Variants in MDGA2 observed in about 807,000 individuals in gnomAD.
The protein encoded by MDGA2 is MAM domain-containing glycosylphosphatidylinositol anchor protein 2.
MDGA2 carries 40 observed loss-of-function variants against 117.8 expected under a neutral mutation model. That is an observed-to-expected ratio of 0.34 (90% CI 0.26 to 0.44). The LOEUF is 0.44. MDGA2 is among the 20% of genes least tolerant of loss of function. The pLI is 1.00. For missense variants in MDGA2, 1,123 were observed against 1,250.6 expected (o/e 0.90, Z 1.54); for synonymous variants, 452 against 439.0 (o/e 1.03, Z -0.37).
chr14:46,985,796 T>C (rs935389950), intron 8 of MDGA2, among the ~76,000 whole-genome samples: 1 of 152,072 alleles, frequency 6.6e-6, no homozygotes, highest in African/African-American at 2.4e-5. Flanking sequence ...CCTTACATAA[T>C]TTCAATGAAC....
intron 1 of MDGA2, among the ~76,000 whole-genome samples, chr14:47,406,192 T>A (rs980986443): frequency 5.9e-5 from 9 of 152,090 alleles, no homozygotes; most frequent in African/African-American, 1.2e-4. Flanking sequence ...TGGAAAAAAA[T>A]TTGGAAATAA....
At chr14:47,554,192 T>C (rs1304299050) in intron 1 of MDGA2, among the ~76,000 whole-genome samples, 4 of 152,208 alleles carry the variant, frequency 2.6e-5, no homozygotes, top group Non-Finnish European at 5.9e-5. Flanking sequence ...CAGTCTGCAT[T>C]TGCCATCTGA....
In MDGA2 at chr14:46,855,171, A is replaced by T; in HGVS notation, c.2753-17T>A. On this transcript the variant is annotated splice_polypyrimidine_tract_variant and intron_variant, in intron 14 of 16. Transcript: ENST00000399232. This position sits in a 1 kb window ranked among gnomAD's most constrained non-coding sequence, Gnocchi z 4.1. Reference sequence around the variant, plus strand: ...TTAAGACACCTAAAAATGACAATAAAATTTTATTTTGCATATTCATTTTCA... The same window carrying T: ...TTAAGACACCTAAAAATGACAATAATATTTTATTTTGCATATTCATTTTCA... The T allele has an allele frequency of 6.3e-7, 1 of 1,587,112 alleles. No individual in the cohort carries two copies. Among genetic ancestry groups the T allele is most frequent in the Non-Finnish European group, 8.5e-7 (1 of 1,170,760 alleles).
intron 6 of MDGA2, among the ~76,000 whole-genome samples, chr14:47,064,740 A>G (rs1014969394): frequency 1.6e-4 from 24 of 152,104 alleles, no homozygotes; most frequent in Non-Finnish European, 3.2e-4. Context: ...TTGAAAATAT[A>G]AAGTGTTTGA....
At chr14:47,098,666 C>T (rs1880124311) in intron 5 of MDGA2, among the ~76,000 whole-genome samples, 1 of 151,814 alleles carries the variant, frequency 6.6e-6, no homozygotes, top group Non-Finnish European at 1.5e-5. Context: ...TATACCCTGA[C>T]TTAAGGTAAA....
intron 1 of MDGA2, among the ~76,000 whole-genome samples, chr14:47,642,610 A>G (rs1333106133): frequency 6.6e-6 from 1 of 152,002 alleles, no homozygotes; most frequent in African/African-American, 2.4e-5. Flanking sequence ...CATATTATAT[A>G]GAAGTACTAG....
intron 9 of MDGA2, among the ~76,000 whole-genome samples, chr14:46,942,749 ACT>A (rs1346763713): frequency 2.0e-5 from 3 of 152,092 alleles, no homozygotes; most frequent in East Asian, 3.9e-4. Context: ...CATTTTTAAC[ACT>A]GAGTAAAATT....
At chr14:47,181,579 T>C (rs1466169026) in intron 3 of MDGA2, among the ~76,000 whole-genome samples, 1 of 152,238 alleles carries the variant, frequency 6.6e-6, no homozygotes, top group Non-Finnish European at 1.5e-5. Context: ...AATACATTAA[T>C]ATAACCTTAG....
chr14:47,489,407 T>C (rs980480037), intron 1 of MDGA2, among the ~76,000 whole-genome samples: 2 of 152,182 alleles, frequency 1.3e-5, no homozygotes, highest in Non-Finnish European at 1.5e-5. Context: ...TACTCAAAAA[T>C]TGACAGCTAA....
chr14:47,627,765 T>G (rs1248643337), intron 1 of MDGA2, among the ~76,000 whole-genome samples: 1 of 152,208 alleles, frequency 6.6e-6, no homozygotes, highest in Non-Finnish European at 1.5e-5. Flanking sequence ...TTTGTTCTTT[T>G]GTTCTTTGCA....
At chr14:47,036,409 A>C (rs1888858816) in intron 7 of MDGA2, among the ~76,000 whole-genome samples, 1 of 152,170 alleles carries the variant, frequency 6.6e-6, no homozygotes, top group Non-Finnish European at 1.5e-5. Context: ...TTATGTTAGA[A>C]TTTAGTGAAA....
At chr14:47,474,984 G>T (rs1052510568) in intron 1 of MDGA2, among the ~76,000 whole-genome samples, 1 of 152,052 alleles carries the variant, frequency 6.6e-6, no homozygotes, top group African/African-American at 2.4e-5. Context: ...TGACAAATGG[G>T]GGCTAATTAA....
intron 6 of MDGA2, among the ~76,000 whole-genome samples, chr14:47,072,594 T>C (rs7140413): frequency 0.33 from 49,904 of 152,042 alleles, 8,739 homozygotes; most frequent in East Asian, 0.52. Flanking sequence ...CCTAGTCCAA[T>C]ATCAGCAGCA....
intron 1 of MDGA2, among the ~76,000 whole-genome samples, chr14:47,584,605 C>T (rs1005550662): frequency 1.3e-5 from 2 of 151,732 alleles, no homozygotes; most frequent in African/African-American, 2.4e-5. Flanking sequence ...GAGCCTCCTG[C>T]CTGGATTATC....
At chr14:47,437,039 A>G (rs2138538972) in intron 1 of MDGA2, among the ~76,000 whole-genome samples, 1 of 152,218 alleles carries the variant, frequency 6.6e-6, no homozygotes. Context: ...CTACTTAAAG[A>G]GCAGGCACAT....
intron 5 of MDGA2, among the ~76,000 whole-genome samples, chr14:47,122,366 G>T (rs1398250911): frequency 6.6e-6 from 1 of 151,970 alleles, no homozygotes; most frequent in Non-Finnish European, 1.5e-5. Context: ...TTACATGGAG[G>T]TAGGCTGGAT....
intron 1 of MDGA2, among the ~76,000 whole-genome samples, chr14:47,378,421 G>A (rs546549430): frequency 2.0e-5 from 3 of 152,318 alleles, no homozygotes; most frequent in East Asian, 1.9e-4. Context: ...ACTTCTCCGA[G>A]CTAAAGGCAG....
intron 1 of MDGA2, among the ~76,000 whole-genome samples, chr14:47,332,632 A>G (rs1031485423): frequency 1.3e-5 from 2 of 152,032 alleles, no homozygotes; most frequent in African/African-American, 4.8e-5. Flanking sequence ...TTCTAGTTTC[A>G]TATTTTAAAA....
intron 1 of MDGA2, among the ~76,000 whole-genome samples, chr14:47,401,337 G>A (rs1892144694): frequency 6.6e-6 from 1 of 152,034 alleles, no homozygotes; most frequent in African/African-American, 2.4e-5. Flanking sequence ...AATTAAAAAA[G>A]ACTTTGAAAG....
Sources: gnomAD v4.1 joint callset for allele counts (sites outside exome capture counted in the v4.1 genomes callset) on GRCh38, gnomAD v4.1.1 for gene constraint, Gnocchi (gnomAD v3.1) non-coding constraint, MANE v1.5 for transcripts, NCBI Gene and HGNC (gene_info 2026-07-23, HGNC 2026-07-21) for gene names.